CRYBG1: variants seen among roughly 807,000 people sequenced by gnomAD.
CRYBG1 encodes crystallin beta-gamma domain containing 1.
CRYBG1 carries 139 observed loss-of-function variants against 189.2 expected under a neutral mutation model. The ratio of observed to expected loss-of-function variants is 0.73; its 90% CI spans 0.64 to 0.85. CRYBG1 has a LOEUF of 0.85. Ranked by LOEUF, CRYBG1 falls within the 40% of genes least tolerant of loss-of-function variation. CRYBG1 has a pLI of 0.00. For synonymous variants in CRYBG1, 1,023 were observed against 1,017.1 expected (o/e 1.01, Z -0.11); for missense variants, 2,611 against 2,675.8 (o/e 0.98, Z 0.53).
chr6:106,541,558 A>G (rs765875556), intron 9 of CRYBG1, 28 bp from the exon 10 acceptor site: 4 of 1,607,314 alleles, frequency 2.5e-6, no homozygotes, highest in Non-Finnish European at 3.4e-6. Context: ...GTGAAAAACT[A>G]TTTTTCTTAC....
At chr6:106,518,639 G>A (rs540983846) in intron 3 of CRYBG1, among the ~76,000 whole-genome samples, 2 of 152,118 alleles carry the variant, frequency 1.3e-5, no homozygotes, top group African/African-American at 4.8e-5. Context: ...AGTGTACTTA[G>A]GACTATTTAA....
At chr6:106,568,385 T>C (rs1774953978) in intron 21 of CRYBG1, 87 bp from the exon 22 acceptor site, 1 of 1,040,108 alleles carries the variant, frequency 9.6e-7, no homozygotes, top group African/African-American at 1.6e-5. Context: ...TTGCTTACTT[T>C]TGCTGTACTG....
chr6:106,460,318 G>A (rs1771984981), intron 2 of CRYBG1, among the ~76,000 whole-genome samples: 1 of 152,066 alleles, frequency 6.6e-6, no homozygotes, highest in Admixed American at 6.6e-5. Flanking sequence ...ACACTTATTG[G>A]CCACTTGTAT....
chr6:106,539,295 C>G (rs1338839276), intron 8 of CRYBG1, 108 bp from the exon 9 acceptor site: 4 of 1,322,194 alleles, frequency 3.0e-6, no homozygotes, highest in Non-Finnish European at 3.1e-6. Flanking sequence ...TATGTAGGTC[C>G]GTATCCTCTC....
At chr6:106,545,069 T>C in intron 13 of CRYBG1, 136 bp downstream of exon 13, 1 of 708,188 alleles carries the variant, frequency 1.4e-6, no homozygotes, top group Non-Finnish European at 2.2e-6. Context: ...AGTCATTTAA[T>C]AGTTGCTGTC....
intron 1 of CRYBG1, among the ~76,000 whole-genome samples, chr6:106,368,444 T>G (rs1259000235): frequency 6.6e-6 from 1 of 152,180 alleles, no homozygotes; most frequent in African/African-American, 2.4e-5. Context: ...TCTGTCTACC[T>G]TGAAAAACTT....
chr6:106,508,325 G>T (rs1013736291), intron 2 of CRYBG1, among the ~76,000 whole-genome samples: 4 of 152,184 alleles, frequency 2.6e-5, no homozygotes, highest in African/African-American at 9.7e-5. Context: ...GTTTTAAAGA[G>T]ATTGTATCTT....
chr6:106,556,043 T>C (rs946680251), intron 17 of CRYBG1, 146 bp downstream of exon 17: 30 of 905,452 alleles, frequency 3.3e-5, no homozygotes, highest in Non-Finnish European at 5.1e-5. Flanking sequence ...TGTGTACATC[T>C]AGTTTATTGA....
At chr6:106,522,384 G>T (rs1253471653) in intron 4 of CRYBG1, among the ~76,000 whole-genome samples, 1 of 152,188 alleles carries the variant, frequency 6.6e-6, no homozygotes, top group African/African-American at 2.4e-5. Flanking sequence ...GGGGAATAAA[G>T]AATTTTGGTT....
intron 2 of CRYBG1, among the ~76,000 whole-genome samples, chr6:106,493,972 G>A (rs1213463508): frequency 3.3e-5 from 5 of 151,446 alleles, no homozygotes; most frequent in Non-Finnish European, 7.4e-5. Context: ...AAGTTAAAGG[G>A]GAAAAAAAAG....
chr6:106,560,699 G>A (rs1263570944), intron 18 of CRYBG1, 104 bp from the exon 19 acceptor site: 1 of 1,315,900 alleles, frequency 7.6e-7, no homozygotes, highest in African/African-American at 1.5e-5. Flanking sequence ...TATGTTAAAA[G>A]TATATAGTTC....
In CRYBG1 at chr6:106,569,893, A is replaced by G. The variant is rs1413856386; in HGVS notation, c.*1327A>G. 3 of 152,212 alleles carry G rather than the reference A, an allele frequency of 2.0e-5. No homozygotes were observed. Among genetic ancestry groups the G allele is most frequent in the African/African-American group, 7.2e-5 (3 of 41,444 alleles). 9.4% of individuals were successfully genotyped at this position (152,212 alleles called of 1,614,324 possible). ...GGATGACCAGCAATTAATTATCCCC[A>G]GAAAGTGAAGGAAAAGAGACCTTTA... On this transcript the variant is annotated 3_prime_UTR_variant, in exon 22 of 22. Coordinates refer to ENST00000633556, the MANE Select transcript of CRYBG1 (RefSeq NM_001371242.2).
intron 2 of CRYBG1, among the ~76,000 whole-genome samples, chr6:106,499,103 CA>C (rs1311781933): frequency 1.4e-5 from 2 of 141,016 alleles, no homozygotes; most frequent in African/African-American, 5.5e-5. Context: ...ATTTTTTTTG[CA>C]TTTTTTTTTG....
intron 21 of CRYBG1, among the ~76,000 whole-genome samples, chr6:106,567,804 A>G (rs562271227): frequency 6.6e-6 from 1 of 152,350 alleles, no homozygotes; most frequent in South Asian, 2.1e-4. Flanking sequence ...AATCTTACAA[A>G]CATTCTGGTA....
intron 2 of CRYBG1, among the ~76,000 whole-genome samples, chr6:106,453,418 A>C (rs796979411): frequency 6.6e-6 from 1 of 152,328 alleles, no homozygotes; most frequent in South Asian, 2.1e-4. Flanking sequence ...AATTTAAAAA[A>C]TTAAGTAAAC....
intron 1 of CRYBG1, among the ~76,000 whole-genome samples, chr6:106,415,489 C>T (rs1462021804): frequency 6.6e-6 from 1 of 151,906 alleles, no homozygotes; most frequent in Non-Finnish European, 1.5e-5. Flanking sequence ...ATTTGAGAGG[C>T]CGAGGCAGGC....
Position 106,511,926 on chromosome 6 carries a change from C to A in CRYBG1, c.809C>A (p.Thr270Lys), listed in dbSNP as rs1212493943. ...TCCTCCAGGCAAGAGAACGCAGAGA[C>A]GCCCGCCCGCAGTCCGGGGGAGGAC... Reference protein sequence around the residue: ...GNSSRQENAETPARSPGEDAS... With the variant: ...GNSSRQENAEKPARSPGEDAS... The change falls in exon 3 of 22, where the codon ACG (threonine) becomes AAG (lysine). Residue 270 changes from threonine (T) to lysine (K), a missense_variant. Around this residue, in one of 3 missense-constraint regions of CRYBG1, gnomAD observed 985 missense variants for 924.4 expected, o/e 1.07. Coordinates refer to ENST00000633556, the MANE Select transcript of CRYBG1 (RefSeq NM_001371242.2). 25 of 1,524,632 alleles carry A rather than the reference C, an allele frequency of 1.6e-5. No individual in the cohort carries two copies. Among genetic ancestry groups the A allele is most frequent in the Non-Finnish European group, 2.2e-5 (25 of 1,139,802 alleles). The allele number at this position is 1,524,632 out of a possible 1,614,324, so 94.4% of individuals were successfully genotyped here. A position where few individuals can be genotyped will look rare whatever the true frequency, so the allele number is the denominator to read the frequency against.
intron 1 of CRYBG1, among the ~76,000 whole-genome samples, chr6:106,430,161 G>A (rs1771298829): frequency 6.6e-6 from 1 of 152,126 alleles, no homozygotes; most frequent in Non-Finnish European, 1.5e-5. Context: ...TGGGCATGGT[G>A]GCTCAGGCTT....
chr6:106,571,951 A>C lies in CRYBG1; in HGVS notation c.*3385A>C. ...TAGAAAAAAATTTGGGCTCACAGGCACTCACCAAATAAGAACGTCAACAAT... is the reference window on the plus strand; with the variant it reads ...TAGAAAAAAATTTGGGCTCACAGGCCCTCACCAAATAAGAACGTCAACAAT... On this transcript the variant is annotated 3_prime_UTR_variant, in exon 22 of 22. Transcript: ENST00000633556. The C allele has an allele frequency of 6.9e-7, 1 of 1,455,342 alleles. No individual in the cohort carries two copies. The highest frequency in any genetic ancestry group is 1.2e-5 in the South Asian group (1 of 86,914). 90.2% of individuals were successfully genotyped at this position (1,455,342 alleles called of 1,614,324 possible).
Sources: allele counts gnomAD v4.1 joint callset (sites outside exome capture counted in the v4.1 genomes callset), GRCh38; gene constraint gnomAD v4.1.1; regional missense constraint gnomAD v4.1.1; transcripts MANE v1.5; gene names NCBI Gene and HGNC (gene_info 2026-07-23, HGNC 2026-07-21).